Variants in STX1A observed in about 807,000 individuals in gnomAD.
STX1A encodes the protein syntaxin-1A.
In STX1A, 4 loss-of-function variants were observed where a neutral mutation model predicts 37.8. The observed-to-expected ratio is 0.11, with a 90% CI of 0.05 to 0.24. The LOEUF is 0.24. Among genes scored for constraint, STX1A ranks in the 10% least tolerant of loss-of-function variants. The pLI is 1.00. For missense variants in STX1A, 251 were observed against 399.9 expected (o/e 0.63, Z 3.18); for synonymous variants, 135 against 147.4 (o/e 0.92, Z 0.61).
chr7:73,710,714 CA>C (rs1476939812), intron 1 of STX1A, among the ~76,000 whole-genome samples: 2 of 152,242 alleles, frequency 1.3e-5, no homozygotes, highest in Non-Finnish European at 2.9e-5. Context: ...CGTGAACCAC[CA>C]CATCTGATCT....
At position 73,705,234 on chromosome 7, in the gene STX1A, T is replaced by A; in HGVS notation, c.209-10A>T. 6.2e-7 allele frequency: 1 copy of A among 1,612,860 alleles called. No homozygotes were observed. The highest frequency in any genetic ancestry group is 8.5e-7 in the Non-Finnish European group (1 of 1,179,164). On this transcript the variant is annotated splice_polypyrimidine_tract_variant and intron_variant, in intron 3 of 9. Transcript: ENST00000222812. The surrounding 1 kb of genome is among the most constrained non-coding windows in gnomAD (Gnocchi z 5.2). ...AGCTCCTCCTTCGTCTCTGGGGAGG[T>A]AGAAAGGGTGGGGGTAGGCCTCCTA...
At position 73,700,808 on chromosome 7, in the gene STX1A, C is replaced by A. The variant is rs991667618; in HGVS notation, c.711G>T (p.Val237=). ...TCTCCACATAGTCTACCGCGTGTTC[C>A]ACATTGTACTCGATCCTGTCAATCA... The part of the protein sequence containing the change: ...GEMIDRIEYN[V]EHAVDYVERA... Residue 237 remains valine, a synonymous_variant, in exon 9 of 10, where the codon GTG becomes GTT. Coordinates refer to ENST00000222812, the MANE Select transcript of STX1A (RefSeq NM_004603.4). The surrounding 1 kb of genome is among the most constrained non-coding windows in gnomAD (Gnocchi z 4.4). 29 of 1,613,714 alleles carry A rather than the reference C, an allele frequency of 1.8e-5. No homozygotes were observed. The highest frequency in any genetic ancestry group is 2.3e-5 in the Non-Finnish European group (27 of 1,179,994).
Position 73,709,125 on chromosome 7 carries a change from G to A in STX1A, c.31-3C>T. ...TCATCATCATCGCTGTCCTTGGCCT[G>A]TGCGGGGTTGTGCACACATAAGTGG... On this transcript the variant is annotated splice_region_variant and splice_polypyrimidine_tract_variant and intron_variant, in intron 1 of 9. Transcript: ENST00000222812. This position sits in a 1 kb window ranked among gnomAD's most constrained non-coding sequence, Gnocchi z 4.2. 5 of 1,612,336 alleles carry A rather than the reference G, an allele frequency of 3.1e-6. No individual in the cohort carries two copies. Among genetic ancestry groups the A allele is most frequent in the Non-Finnish European group, 4.2e-6 (5 of 1,179,962 alleles).
At chr7:73,707,112 C>T (rs568861560) in intron 3 of STX1A, among the ~76,000 whole-genome samples, 16 of 152,320 alleles carry the variant, frequency 1.1e-4, no homozygotes, top group South Asian at 4.1e-4. Context: ...GAAAATCTGA[C>T]CCCGGGCACC....
Position 73,702,612 on chromosome 7 carries a change from G to A in STX1A, c.678+233C>T. ...GGGGAATGAGAGACGGCGGGGTATA[G>A]AGGGTGGGGCCATGCAGGGCCTGGG... On this transcript the variant is annotated intron_variant, in intron 8 of 9. Coordinates refer to ENST00000222812, the MANE Select transcript of STX1A (RefSeq NM_004603.4). This position sits in a 1 kb window ranked among gnomAD's most constrained non-coding sequence, Gnocchi z 4.7. The A allele has an allele frequency of 7.6e-7, 1 of 1,311,120 alleles. No homozygotes were observed. The highest frequency in any genetic ancestry group is 1.0e-6 in the Non-Finnish European group (1 of 988,142). The allele number at this position is 1,311,120 out of a possible 1,614,324, so 81.2% of individuals were successfully genotyped here.
chr7:73,718,640 G>A (rs370732877), intron 1 of STX1A, among the ~76,000 whole-genome samples: 8 of 152,064 alleles, frequency 5.3e-5, no homozygotes, highest in African/African-American at 1.9e-4. Flanking sequence ...CACACCCAGA[G>A]AGGCTTCATT....
chr7:73,700,571 C>CGG lies in STX1A; in HGVS notation c.790-89_790-88dup. 2 of 1,504,058 alleles carry CGG rather than the reference C, an allele frequency of 1.3e-6. No homozygotes were observed. Among genetic ancestry groups the CGG allele is most frequent in the African/African-American group, 2.9e-5 (2 of 68,098 alleles). 93.2% of individuals were successfully genotyped at this position (1,504,058 alleles called of 1,614,324 possible). On this transcript the variant is annotated intron_variant, in intron 9 of 9. Transcript: ENST00000222812. The surrounding 1 kb of genome is among the most constrained non-coding windows in gnomAD (Gnocchi z 4.4). ...TGGCAAAGGCTGAGGACTGGACAGT[C>CGG]GGGGGGGATCCAAGCAGGGGAAGGT...
chr7:73,706,277 C>T lies in STX1A; in HGVS notation c.209-1053G>A, dbSNP rs1554616944. Among the ~76,000 whole-genome samples the T allele has an allele frequency of 1.3e-5, 2 of 152,084 alleles. No individual in the cohort carries two copies. Among genetic ancestry groups the T allele is most frequent in the Non-Finnish European group, 2.9e-5 (2 of 67,992 alleles). ...GCGGGGAAGGGGGGGTTCCGAGGCG[C>T]GGAGGAGGGCGCCTCATCCGTAGGA... On this transcript the variant is annotated intron_variant, in intron 3 of 9. Transcript: ENST00000222812. The surrounding 1 kb of genome is among the most constrained non-coding windows in gnomAD (Gnocchi z 4.6).
At position 73,705,021 on chromosome 7, in the gene STX1A, CAT is replaced by C; in HGVS notation, c.283+127_283+128del. The C allele has an allele frequency of 1.1e-6, 1 of 914,880 alleles. No individual in the cohort carries two copies. The highest frequency in any genetic ancestry group is 1.8e-6 in the Non-Finnish European group (1 of 563,400). 56.7% of individuals were successfully genotyped at this position (914,880 alleles called of 1,614,324 possible). A position where few individuals can be genotyped will look rare whatever the true frequency, so the allele number is the denominator to read the frequency against. ...CAAGTAGCTGCTGAGTGAATGGGCACATGACGCCACCCTCAGAAAGGAAAGCA... is the reference window on the plus strand; with the variant it reads ...CAAGTAGCTGCTGAGTGAATGGGCACGACGCCACCCTCAGAAAGGAAAGCA... On this transcript the variant is annotated intron_variant, in intron 4 of 9. Transcript: ENST00000222812. This position sits in a 1 kb window ranked among gnomAD's most constrained non-coding sequence, Gnocchi z 5.2.
At chr7:73,718,644 C>T (rs1246185330) in intron 1 of STX1A, among the ~76,000 whole-genome samples, 2 of 151,942 alleles carry the variant, frequency 1.3e-5, no homozygotes, top group Admixed American at 1.3e-4. Context: ...CCCAGAGAGG[C>T]TTCATTTCCG....
At chr7:73,715,599 T>C (rs1799264968) in intron 1 of STX1A, among the ~76,000 whole-genome samples, 1 of 152,000 alleles carries the variant, frequency 6.6e-6, no homozygotes, top group Non-Finnish European at 1.5e-5. Flanking sequence ...TGGTCTCTCC[T>C]AGCAGAGACT....
intron 7 of STX1A, 29 bp from the exon 8 acceptor site, chr7:73,703,011 C>T (rs560455488): frequency 6.8e-7 from 1 of 1,476,124 alleles, no homozygotes; most frequent in East Asian, 2.4e-5. Flanking sequence ...GGCTGGGACC[C>T]AGAGGCTTGC....
chr7:73,709,090 A>G lies in STX1A; in HGVS notation c.63T>C (p.Ala21=). ...AKDSDDDDDV[A]VTVDRDRFMD... ...TGAAGCGGTCTCGGTCCACGGTGAC[A>G]GCGACATCATCATCATCATCGCTGT... The change falls in exon 2 of 10, where the codon GCT becomes GCC. Residue 21 remains alanine, a synonymous_variant. Transcript: ENST00000222812. The surrounding 1 kb of genome is among the most constrained non-coding windows in gnomAD (Gnocchi z 4.2). 1.9e-6 allele frequency: 3 copies of G among 1,613,986 alleles called. No individual in the cohort carries two copies. Among genetic ancestry groups the G allele is most frequent in the South Asian group, 2.2e-5 (2 of 91,082 alleles).
chr7:73,715,443 A>C (rs1799259357), intron 1 of STX1A, among the ~76,000 whole-genome samples: 1 of 151,954 alleles, frequency 6.6e-6, no homozygotes, highest in South Asian at 2.1e-4. Context: ...AAAAACCAAC[A>C]AAAAACACCA....
Position 73,705,190 on chromosome 7 carries a change from G to A in STX1A, c.243C>T (p.Asp81=). The change falls in exon 4 of 10, where the codon GAC becomes GAT. Residue 81 remains aspartate (D), a synonymous_variant. Coordinates refer to ENST00000222812, the MANE Select transcript of STX1A (RefSeq NM_004603.4). The surrounding 1 kb of genome is among the most constrained non-coding windows in gnomAD (Gnocchi z 5.2). ...TKEELEELMS[D]IKKTANKVRS... ...GAACTTTGTTTGCTGTCTTCTTTATGTCGGACATGAGTTCTTCCAGCTCCT... is the reference window on the plus strand; with the variant it reads ...GAACTTTGTTTGCTGTCTTCTTTATATCGGACATGAGTTCTTCCAGCTCCT... The A allele has an allele frequency of 1.2e-6, 2 of 1,611,802 alleles. No homozygotes were observed. Among genetic ancestry groups the A allele is most frequent in the Admixed American group, 1.7e-5 (1 of 59,938 alleles).
At chr7:73,704,035 A>ACCCGCCTCGGGCCC (rs1554616356) in intron 6 of STX1A, 113 bp downstream of exon 6, 1 of 1,098,798 alleles carries the variant, frequency 9.1e-7, no homozygotes, top group Non-Finnish European at 1.2e-6. Context: ...GCCTCGGGCC[A>ACCCGCCTCGGGCCC]CCCGCCTCGG....
rs1019498357 is a variant in STX1A, at chr7:73,700,291, G to A, written c.*116C>T. 1.2e-5 allele frequency: 11 copies of A among 952,352 alleles called. No individual in the cohort carries two copies. In the Admixed American group the frequency reaches 1.9e-4, roughly 17 times the overall value. 59.0% of individuals were successfully genotyped at this position (952,352 alleles called of 1,614,324 possible). On this transcript the variant is annotated 3_prime_UTR_variant, in exon 10 of 10. Coordinates refer to ENST00000222812, the MANE Select transcript of STX1A (RefSeq NM_004603.4). This position sits in a 1 kb window ranked among gnomAD's most constrained non-coding sequence, Gnocchi z 4.4. ...GCAGAGAAGGGAGCATGGGGGCCGG[G>A]AGGGAGGGTGCTCTGAGCCAGAGGC...
In STX1A at chr7:73,702,897, A is replaced by G; in HGVS notation, c.626T>C (p.Ile209Thr). The G allele has an allele frequency of 6.2e-7, 1 of 1,613,570 alleles. No individual in the cohort carries two copies. Among genetic ancestry groups the G allele is most frequent in the South Asian group, 1.1e-5 (1 of 91,044 alleles). ...CATGAACATGTCGTGTAGCTCACGG[A>G]TGCTGTTCTCCAGCTTGATGATCTC... Reference protein sequence around the residue: ...HSEIIKLENSIRELHDMFMDM... With the variant: ...HSEIIKLENSTRELHDMFMDM... The change falls in exon 8 of 10, where the codon ATC (isoleucine) becomes ACC (threonine). Residue 209 changes from isoleucine (I) to threonine (T), a missense_variant. Physicochemically the swap from Ile to Thr is moderately conservative, Grantham distance 89. Transcript: ENST00000222812. The surrounding 1 kb of genome is among the most constrained non-coding windows in gnomAD (Gnocchi z 4.7).
intron 1 of STX1A, among the ~76,000 whole-genome samples, chr7:73,712,364 C>T (rs1554618087): frequency 6.6e-6 from 1 of 150,860 alleles, no homozygotes; most frequent in East Asian, 2.0e-4. Flanking sequence ...ACAATCCACC[C>T]TCTGCCCCCA....
Sources: gnomAD v4.1 joint callset for allele counts (sites outside exome capture counted in the v4.1 genomes callset) on GRCh38, gnomAD v4.1.1 for gene constraint, Gnocchi (gnomAD v3.1) non-coding constraint, MANE v1.5 for transcripts, NCBI Gene and HGNC (gene_info 2026-07-23, HGNC 2026-07-21) for gene names.